Variants in NHSL2 observed in about 807,000 individuals in gnomAD.
NHSL2 encodes NHS like 2, also known as NHS-like protein 2.
Under a neutral mutation model 53.4 loss-of-function variants are expected in NHSL2, and 27 were observed. The ratio of observed to expected loss-of-function variants is 0.51; its 90% CI spans 0.37 to 0.70. The LOEUF is 0.70. Ranked by LOEUF, NHSL2 falls within the 30% of genes least tolerant of loss-of-function variation. The pLI, the probability that NHSL2 is intolerant of heterozygous loss-of-function variation, is 0.00. For missense variants in NHSL2, 892 were observed against 980.1 expected (o/e 0.91, Z 1.20); for synonymous variants, 408 against 404.1 (o/e 1.01, Z -0.12).
rs1203487145 is a variant in NHSL2, at chrX:72,148,256, G to A, written c.*4682G>A. On this transcript the variant is annotated 3_prime_UTR_variant, in exon 8 of 8. Transcript: ENST00000633930. ...TGTCCTGTTTGTGAAAGGTGAAACT[G>A]TCCAATCCATGTCCAATCAATGTCA... 8.9e-6 allele frequency: 1 copy of A among 112,150 alleles called. No individual in the cohort carries two copies. The highest frequency in any genetic ancestry group is 1.9e-5 in the Non-Finnish European group (1 of 53,253). The allele number at this position is 112,150 out of a possible 1,213,427, so 9.2% of individuals were successfully genotyped here.
Position 72,148,160 on chromosome X carries a change from T to C in NHSL2, c.*4586T>C. ...CATTCATATTGTACATTGACATTTT[T>C]ACATAAATGGAATTAATACTACTTA... On this transcript the variant is annotated 3_prime_UTR_variant, in exon 8 of 8. Coordinates refer to ENST00000633930, the MANE Select transcript of NHSL2 (RefSeq NM_001013627.3). The C allele has an allele frequency of 8.9e-6, 1 of 112,210 alleles. No homozygotes were observed. The highest frequency in any genetic ancestry group is 1.9e-5 in the Non-Finnish European group (1 of 53,301). The allele number at this position is 112,210 out of a possible 1,213,427, so 9.2% of individuals were successfully genotyped here. A position where few individuals can be genotyped will look rare whatever the true frequency, so the allele number is the denominator to read the frequency against.
At chrX:72,085,717 T>G (rs1378930827) in intron 1 of NHSL2, among the ~76,000 whole-genome samples, 2 of 102,298 alleles carry the variant, frequency 2.0e-5, no homozygotes, top group East Asian at 5.8e-4. Flanking sequence ...TTTTTTTTGT[T>G]TTTTTTTTTT....
chrX:72,096,611 T>C (rs2041945775), intron 1 of NHSL2, among the ~76,000 whole-genome samples: 2 of 112,504 alleles, frequency 1.8e-5, no homozygotes, highest in Admixed American at 1.9e-4. Context: ...TAAGTTGTTT[T>C]AAAATTGACA....
chrX:72,108,031 G>A (rs181850593), intron 1 of NHSL2, among the ~76,000 whole-genome samples: 74 of 111,956 alleles, frequency 6.6e-4, no homozygotes, highest in Admixed American at 1.1e-3. Flanking sequence ...GCAGCAGGTA[G>A]GAGGTTCTTG....
At chrX:72,028,206 C>T (rs2147907422) in intron 1 of NHSL2, among the ~76,000 whole-genome samples, 1 of 112,221 alleles carries the variant, frequency 8.9e-6, no homozygotes, top group Non-Finnish European at 1.9e-5. Context: ...CTTGGGCTTA[C>T]TTTTTTCAAC....
At chrX:72,025,453 G>GT (rs1343910559) in intron 1 of NHSL2, among the ~76,000 whole-genome samples, 3 of 111,887 alleles carry the variant, frequency 2.7e-5, no homozygotes, top group African/African-American at 9.8e-5. Flanking sequence ...GGAACTCGGT[G>GT]TGATTATCCC....
rs771692948 is a variant in NHSL2, at chrX:71,965,456, T to C, written c.280+54089T>C. ...TATATTTCTGTGCCTTTTATTCTGT[T>C]CCATTGATCTACTTGTCTGTTCATT... is the stretch of plus-strand genomic sequence containing the variant. On this transcript the variant is annotated intron_variant, in intron 1 of 7. Coordinates refer to ENST00000633930, the MANE Select transcript of NHSL2 (RefSeq NM_001013627.3). 5.3e-5 allele frequency among the ~76,000 whole-genome samples: 6 copies of C among 112,635 alleles called. No individual in the cohort carries two copies. In the South Asian group the frequency reaches 2.2e-3, roughly 41 times the overall value.
chrX:71,923,582 C>G (rs977034706), intron 1 of NHSL2, among the ~76,000 whole-genome samples: 1 of 112,066 alleles, frequency 8.9e-6, no homozygotes, highest in Non-Finnish European at 1.9e-5. Flanking sequence ...ATACCCTGTT[C>G]TTGGATAATT....
At chrX:71,996,221 A>G (rs982488656) in intron 1 of NHSL2, among the ~76,000 whole-genome samples, 4 of 113,419 alleles carry the variant, frequency 3.5e-5, no homozygotes, top group African/African-American at 1.3e-4. Context: ...GCATGAGGGC[A>G]GAGATCCTCA....
chrX:71,949,820 C>G (rs1418176206), intron 1 of NHSL2, among the ~76,000 whole-genome samples: 1 of 113,038 alleles, frequency 8.8e-6, no homozygotes, highest in African/African-American at 3.2e-5. Flanking sequence ...CGAAATCCCC[C>G]CTCTGCCTTC....
At chrX:71,916,977 G>A (rs910533193) in intron 1 of NHSL2, among the ~76,000 whole-genome samples, 5 of 111,520 alleles carry the variant, frequency 4.5e-5, no homozygotes, top group African/African-American at 1.6e-4. Flanking sequence ...TGGCCTTCCT[G>A]GTTCAAGCTA....
intron 1 of NHSL2, among the ~76,000 whole-genome samples, chrX:72,020,711 C>G (rs980805649): frequency 1.8e-5 from 2 of 112,626 alleles, no homozygotes; most frequent in Non-Finnish European, 3.8e-5. Flanking sequence ...TGGCCCCTGC[C>G]GTTTTAAAGC....
At chrX:72,038,562 A>G (rs1002146907) in intron 1 of NHSL2, among the ~76,000 whole-genome samples, 1 of 111,981 alleles carries the variant, frequency 8.9e-6, no homozygotes, top group Non-Finnish European at 1.9e-5. Context: ...ATGTATTTAT[A>G]TTTTACCACA....
rs549379605 is a variant in NHSL2 at position 72,099,545 on chromosome X, A to G, written c.281-32534A>G. 3.7e-5 allele frequency among the ~76,000 whole-genome samples: 4 copies of G among 108,627 alleles called. No homozygotes were observed. In the East Asian group the frequency reaches 8.6e-4, roughly 23 times the overall value. The allele number at this position is 108,627 out of a possible 115,157, so 94.3% of individuals were successfully genotyped here. On this transcript the variant is annotated intron_variant, in intron 1 of 7. Coordinates refer to ENST00000633930, the MANE Select transcript of NHSL2 (RefSeq NM_001013627.3). ...CACACCTGGCTAATTTTTTATTTGT[A>G]TTTTTAGTAGAGATGGGATTTCACC... is the stretch of plus-strand genomic sequence containing the variant.
chrX:72,105,683 G>A (rs73624208), intron 1 of NHSL2, among the ~76,000 whole-genome samples: 14,864 of 111,238 alleles, frequency 0.13, 1,372 homozygotes, highest in African/African-American at 0.33. Context: ...TGTCACCACA[G>A]TTGAGGTTAC....
Position 71,910,939 on chromosome X carries a change from G to T in NHSL2, c.-149G>T. 1 of 367,666 alleles carries T rather than the reference G, an allele frequency of 2.7e-6. No homozygotes were observed. Among genetic ancestry groups the T allele is most frequent in the Non-Finnish European group, 4.0e-6 (1 of 247,093 alleles). 30.3% of individuals were successfully genotyped at this position (367,666 alleles called of 1,213,427 possible). A position where few individuals can be genotyped will look rare whatever the true frequency, so the allele number is the denominator to read the frequency against. ...GCCCGCCTACCCGCCCGTCGTCTTTGGCGCCCGCACGCTCTCCGGCCCGCG... is the reference window on the plus strand; with the variant it reads ...GCCCGCCTACCCGCCCGTCGTCTTTTGCGCCCGCACGCTCTCCGGCCCGCG... On this transcript the variant is annotated 5_prime_UTR_variant, in exon 1 of 8. Coordinates refer to ENST00000633930, the MANE Select transcript of NHSL2 (RefSeq NM_001013627.3).
chrX:72,045,647 T>C (rs1191895200), intron 1 of NHSL2, among the ~76,000 whole-genome samples: 3 of 112,170 alleles, frequency 2.7e-5, no homozygotes, highest in Non-Finnish European at 5.6e-5. Context: ...GGATTCACTC[T>C]GATTCCAGAG....
At chrX:71,951,039 C>CACACACACACACACACACACAA (rs1224072950) in intron 1 of NHSL2, among the ~76,000 whole-genome samples, 2 of 109,313 alleles carry the variant, frequency 1.8e-5, no homozygotes, top group African/African-American at 6.7e-5. Context: ...CACACACACA[C>CACACACACACACACACACACAA]AAATACCTGG....
rs745455205 is a variant in NHSL2, at chrX:71,960,382, G to T, written c.280+49015G>T. On this transcript the variant is annotated intron_variant, in intron 1 of 7. Coordinates refer to ENST00000633930, the MANE Select transcript of NHSL2 (RefSeq NM_001013627.3). ...TAATTTTTATGAAGTCAAATTTATA[G>T]CTACTATGTATTTCTTTTGTTGCTT... 1.4e-4 allele frequency among the ~76,000 whole-genome samples: 16 copies of T among 112,006 alleles called. No individual in the cohort carries two copies. The South Asian group carries it at 5.9e-3, about 41-fold the overall frequency.
Sources: allele counts gnomAD v4.1 joint callset (sites outside exome capture counted in the v4.1 genomes callset), GRCh38; gene constraint gnomAD v4.1.1; transcripts MANE v1.5; gene names NCBI Gene and HGNC (gene_info 2026-07-23, HGNC 2026-07-21).